Variants in PAQR3 observed in about 807,000 individuals in gnomAD.
The protein encoded by PAQR3 is Raf kinase trapping to Golgi.
A neutral mutation model predicts 41.7 loss-of-function variants in PAQR3; 39 were observed. The ratio of observed to expected loss-of-function variants is 0.93; its 90% confidence interval spans 0.72 to 1.22. The LOEUF (loss-of-function observed/expected upper bound fraction) is 1.22, where lower values mean the gene tolerates loss of function less well. Among genes scored for constraint, PAQR3 ranks in the 50% most tolerant of loss-of-function variants. The pLI is 0.00. For synonymous variants in PAQR3, 140 were observed against 140.6 expected, an observed-to-expected ratio of 1.00 and a Z score of 0.03; for missense variants, 366 against 385.6, an observed-to-expected ratio of 0.95 and a Z score of 0.42.
chr4:78,901,021 A>G (rs1733972830), intron 11 of PAQR3, among the ~76,000 whole-genome samples: 1 of 152,108 alleles, frequency 6.6e-6, no homozygotes, highest in South Asian at 2.1e-4. Context: ...CAGATTAACC[A>G]TTTGATATTG....
rs1735410945 is a variant in PAQR3, at chr4:78,919,263, G to A, written c.*1276C>T. The A allele has an allele frequency of 9.5e-5, 94 of 984,320 alleles. No individual in the cohort carries two copies. Among genetic ancestry groups the A allele is most frequent in the Non-Finnish European group, 1.1e-4 (93 of 829,134 alleles). 61.0% of individuals were successfully genotyped at this position (984,320 alleles called of 1,614,324 possible). A position where few individuals can be genotyped will look rare whatever the true frequency, so the allele number is the denominator to read the frequency against. Reference sequence around the variant, plus strand: ...TACACCAGTATTTAAAACAGCTCATGTCAACTCATGAAGAAACTTGGGTAA... The same window carrying A: ...TACACCAGTATTTAAAACAGCTCATATCAACTCATGAAGAAACTTGGGTAA... On this transcript the variant is annotated 3_prime_UTR_variant, in exon 6 of 6. Transcript: ENST00000512733.
At chr4:78,898,697 G>T (rs1437489534) in intron 11 of PAQR3, among the ~76,000 whole-genome samples, 1 of 150,416 alleles carries the variant, frequency 6.6e-6, no homozygotes, top group Non-Finnish European at 1.5e-5. Flanking sequence ...AGTGTGGTCT[G>T]CAACAAAATG....
At chr4:78,901,210 C>CT (rs1733985107) in intron 11 of PAQR3, among the ~76,000 whole-genome samples, 1 of 151,454 alleles carries the variant, frequency 6.6e-6, no homozygotes, top group African/African-American at 2.4e-5. Context: ...TTCTCAGCTA[C>CT]TTTTTTATTT....
chr4:78,938,565 T>C (rs1737678387), intron 1 of PAQR3, among the ~76,000 whole-genome samples: 1 of 152,160 alleles, frequency 6.6e-6, no homozygotes, highest in South Asian at 2.1e-4. Context: ...TGTTTGCTTT[T>C]TTTTCTGCAT....
chr4:78,909,372 T>TTA (rs1553922367), downstream of PAQR3, among the ~76,000 whole-genome samples: 132 of 151,764 alleles, frequency 8.7e-4, 1 homozygote, highest in Admixed American at 2.6e-3. Flanking sequence ...CATTTTTTTT[T>TTA]ATGTAAACCT....
chr4:78,916,206 T>C lies in PAQR3; in HGVS notation c.*4333A>G, dbSNP rs1560565972. 1 of 151,968 alleles carries C rather than the reference T, an allele frequency of 6.6e-6. No homozygotes were observed. Among genetic ancestry groups the C allele is most frequent in the African/African-American group, 2.4e-5 (1 of 41,446 alleles). 9.4% of individuals were successfully genotyped at this position (151,968 alleles called of 1,614,324 possible). ...TAAGCACTAACTGATTTTATTACTT[T>C]ATTGCCTTTACACTGCTTATTCTTT... On this transcript the variant is annotated 3_prime_UTR_variant, in exon 6 of 6. Coordinates refer to ENST00000512733, the MANE Select transcript of PAQR3 (RefSeq NM_001040202.2).
intron 4 of PAQR3, among the ~76,000 whole-genome samples, chr4:78,925,009 A>C (rs1292919669): frequency 6.6e-6 from 1 of 152,068 alleles, no homozygotes; most frequent in East Asian, 1.9e-4. Context: ...GAACTTTTTA[A>C]CTTTGTTAAA....
intron 11 of PAQR3, among the ~76,000 whole-genome samples, chr4:78,895,403 T>C (rs576623236): frequency 1.8e-3 from 279 of 152,350 alleles, no homozygotes; most frequent in African/African-American, 6.5e-3. Flanking sequence ...CCACATAGTT[T>C]ATAATTTTTC....
At position 78,934,432 on chromosome 4, in the gene PAQR3, GT is replaced by G. The variant is rs1231387551; in HGVS notation, c.348+688del. On this transcript the variant is annotated intron_variant, in intron 2 of 5. Coordinates refer to ENST00000512733, the MANE Select transcript of PAQR3 (RefSeq NM_001040202.2). ...GGGATAATAAGTTTTTCATTTTTGT[GT>G]TTTTTTATGTTCTCTGAAGCAGAAA... is the stretch of plus-strand genomic sequence containing the variant. Among the ~76,000 whole-genome samples the G allele has an allele frequency of 1.5e-4, 23 of 152,226 alleles. No homozygotes were observed. In the East Asian group the frequency reaches 4.2e-3, roughly 28 times the overall value.
intron 11 of PAQR3, among the ~76,000 whole-genome samples, chr4:78,888,789 T>C (rs1406800713): frequency 6.6e-6 from 1 of 152,210 alleles, no homozygotes; most frequent in Non-Finnish European, 1.5e-5. Flanking sequence ...GTGGGAAATA[T>C]GAATTGTCTA....
At chr4:78,922,202 A>G in intron 5 of PAQR3, 1 of 1,068,522 alleles carries the variant, frequency 9.4e-7, no homozygotes, top group Admixed American at 4.2e-5. Flanking sequence ...ATTCAGTGGC[A>G]TGTCCTAGAT....
rs1735363917 is a variant in PAQR3 at position 78,918,864 on chromosome 4, G to A, written c.*1675C>T. 4 of 984,360 alleles carry A rather than the reference G, an allele frequency of 4.1e-6. No individual in the cohort carries two copies. Among genetic ancestry groups the A allele is most frequent in the South Asian group, 9.4e-5 (2 of 21,264 alleles). 61.0% of individuals were successfully genotyped at this position (984,360 alleles called of 1,614,324 possible). A position where few individuals can be genotyped will look rare whatever the true frequency, so the allele number is the denominator to read the frequency against. ...AAAATCATGTAAGCCAATAAGGGAT[G>A]TTCTAGGAGAAATATATCCTACTAC... On this transcript the variant is annotated 3_prime_UTR_variant, in exon 6 of 6. Transcript: ENST00000512733.
chr4:78,892,768 G>T (rs978363785), intron 11 of PAQR3, among the ~76,000 whole-genome samples: 1 of 152,228 alleles, frequency 6.6e-6, no homozygotes, highest in Non-Finnish European at 1.5e-5. Flanking sequence ...GCTGTAATCT[G>T]TTAAGTATGC....
chr4:78,906,043 C>T (rs1337554159), intron 11 of PAQR3: 1 of 152,002 alleles, frequency 6.6e-6, no homozygotes, highest in African/African-American at 2.4e-5. Flanking sequence ...CTTTCTTTCC[C>T]AGCTCTTCTG....
In PAQR3 at chr4:78,916,172, A is replaced by G. The variant is rs1735051187; in HGVS notation, c.*4367T>C. The G allele has an allele frequency of 6.6e-6, 1 of 151,868 alleles. No homozygotes were observed. Among genetic ancestry groups the G allele is most frequent in the African/African-American group, 2.4e-5 (1 of 41,424 alleles). The allele number at this position is 151,868 out of a possible 1,614,324, so 9.4% of individuals were successfully genotyped here. A position where few individuals can be genotyped will look rare whatever the true frequency, so the allele number is the denominator to read the frequency against. Reference sequence around the variant, plus strand: ...CCCCTCCCACCCCTTTTCCCCTGCCATATCTAATTAAGCACTAACTGATTT... The same window carrying G: ...CCCCTCCCACCCCTTTTCCCCTGCCGTATCTAATTAAGCACTAACTGATTT... On this transcript the variant is annotated 3_prime_UTR_variant, in exon 6 of 6. Coordinates refer to ENST00000512733, the MANE Select transcript of PAQR3 (RefSeq NM_001040202.2).
In PAQR3 at chr4:78,912,111, G is replaced by A. The variant is rs1243003620; in HGVS notation, c.*8428C>T. ...GTTTTATGAATTTGAAAGAAAATTT[G>A]GTAGCTCTTTATAGCATTCATTCTT... On this transcript the variant is annotated 3_prime_UTR_variant, in exon 6 of 6. Transcript: ENST00000512733. 1 of 1,334,638 alleles carries A rather than the reference G, an allele frequency of 7.5e-7. No homozygotes were observed. The highest frequency in any genetic ancestry group is 2.3e-5 in the East Asian group (1 of 43,300). 82.7% of individuals were successfully genotyped at this position (1,334,638 alleles called of 1,614,324 possible). A position where few individuals can be genotyped will look rare whatever the true frequency, so the allele number is the denominator to read the frequency against.
rs138262352 is a variant in PAQR3 at position 78,912,028 on chromosome 4, C to G, written c.*8511G>C. The G allele has an allele frequency of 7.8e-4, 1,244 of 1,601,244 alleles. 2 individuals carry two copies. The highest frequency in any genetic ancestry group is 9.2e-4 in the Non-Finnish European group (1,083 of 1,172,476). On this transcript the variant is annotated 3_prime_UTR_variant, in exon 6 of 6. Coordinates refer to ENST00000512733, the MANE Select transcript of PAQR3 (RefSeq NM_001040202.2). ...TGGTGCTGCTCCATTTCCTTCTAAA[C>G]AGTAGATACTTCTGATGGATTCTCG...
intron 5 of PAQR3, chr4:78,922,680 C>T: frequency 2.8e-6 from 1 of 359,504 alleles, no homozygotes; most frequent in South Asian, 2.1e-5. Context: ...AACTTGGTTA[C>T]ATGATATGTG....
intron 3 of PAQR3, among the ~76,000 whole-genome samples, chr4:78,927,009 A>G (rs1736303790): frequency 1.3e-5 from 2 of 152,210 alleles, no homozygotes; most frequent in Admixed American, 1.3e-4. Flanking sequence ...AAAAGCAAAG[A>G]TGACTATGAC....
Sources: gnomAD v4.1 joint callset for allele counts (sites outside exome capture counted in the v4.1 genomes callset) on GRCh38, gnomAD v4.1.1 for gene constraint, MANE v1.5 for transcripts, NCBI Gene and HGNC (gene_info 2026-07-23, HGNC 2026-07-21) for gene names.